Variants in ANO4 observed in about 807,000 individuals in gnomAD.
ANO4 encodes the protein anoctamin 4, also known as anoctamin-4.
A neutral mutation model predicts 141.9 loss-of-function variants in ANO4; 69 were observed. The ratio of observed to expected loss-of-function variants is 0.49; its 90% CI spans 0.40 to 0.59. ANO4 has a LOEUF of 0.59. ANO4 is among the 20% of genes least tolerant of loss of function. ANO4 has a pLI of 0.00. For synonymous variants in ANO4, 350 were observed against 394.3 expected (o/e 0.89, Z 1.33); for missense variants, 894 against 1,162.2 (o/e 0.77, Z 3.36).
chr12:100,746,333 A>G (rs1486797917), intron 3 of ANO4, among the ~76,000 whole-genome samples: 1 of 152,062 alleles, frequency 6.6e-6, no homozygotes, highest in African/African-American at 2.4e-5. Context: ...TGCACCTGTA[A>G]TCCTAGCTCT....
At chr12:101,120,109 C>CCTCTG (rs1431684930) in intron 25 of ANO4, among the ~76,000 whole-genome samples, 249 of 152,268 alleles carry the variant, frequency 1.6e-3, no homozygotes, top group Non-Finnish European at 2.7e-3. Flanking sequence ...TGCTGCCTCT[C>CCTCTG]TGCTGTCTCT....
upstream of ANO4, among the ~76,000 whole-genome samples, chr12:100,790,645 G>GA (rs35254622): frequency 0.21 from 30,135 of 144,010 alleles, 3,595 homozygotes; most frequent in East Asian, 0.55. Flanking sequence ...TCTATCTTCA[G>GA]AAAAAAAAAA....
intron 14 of ANO4, among the ~76,000 whole-genome samples, chr12:101,065,062 T>C (rs1165144982): frequency 6.6e-6 from 1 of 152,184 alleles, no homozygotes; most frequent in East Asian, 1.9e-4. Context: ...AATTTGGGTA[T>C]GCCAAAGAGA....
intron 1 of ANO4, among the ~76,000 whole-genome samples, chr12:100,837,720 T>TAAAA (rs66789704): frequency 2.4e-5 from 3 of 122,620 alleles, no homozygotes; most frequent in Non-Finnish European, 3.3e-5. Context: ...ACCTTGTCTC[T>TAAAA]AAAAAAAAAA....
intron 26 of ANO4, among the ~76,000 whole-genome samples, chr12:101,125,545 C>T (rs970528931): frequency 2.6e-5 from 4 of 152,002 alleles, no homozygotes; most frequent in Non-Finnish European, 4.4e-5. Context: ...TGTCTTGTGC[C>T]GGTTTTTAAG....
chr12:100,953,065 A>G (rs1462748654), intron 5 of ANO4, among the ~76,000 whole-genome samples: 3 of 152,226 alleles, frequency 2.0e-5, no homozygotes, highest in African/African-American at 4.8e-5. Flanking sequence ...TATTTAATCT[A>G]AAAGATTTCT....
chr12:101,098,681 T>A (rs1414264547), intron 21 of ANO4, among the ~76,000 whole-genome samples: 1 of 152,198 alleles, frequency 6.6e-6, no homozygotes, highest in Admixed American at 6.5e-5. Flanking sequence ...ATAAAACTTT[T>A]AAAAAATAAA....
At chr12:101,040,835 T>C (rs892344120) in intron 11 of ANO4, among the ~76,000 whole-genome samples, 1 of 151,462 alleles carries the variant, frequency 6.6e-6, no homozygotes, top group Non-Finnish European at 1.5e-5. Flanking sequence ...CTCCCACTTA[T>C]GAGTGAGAAC....
At chr12:100,884,131 T>C (rs550125375) in intron 1 of ANO4, among the ~76,000 whole-genome samples, 4 of 152,342 alleles carry the variant, frequency 2.6e-5, no homozygotes, top group African/African-American at 7.2e-5. Context: ...TTTAATGTCA[T>C]GTTGTTTCTG....
At chr12:101,013,429 G>A (rs1036418842) in intron 8 of ANO4, among the ~76,000 whole-genome samples, 1 of 152,088 alleles carries the variant, frequency 6.6e-6, no homozygotes, top group African/African-American at 2.4e-5. Flanking sequence ...GGAAGAGCAG[G>A]GCTTGAACCA....
At chr12:100,876,304 A>C (rs1361777033) in intron 1 of ANO4, among the ~76,000 whole-genome samples, 1 of 142,968 alleles carries the variant, frequency 7.0e-6, no homozygotes, top group African/African-American at 2.6e-5. Context: ...AAACAGTGGG[A>C]ATTATCAAGA....
chr12:100,951,665 TGA>T (rs918837839), intron 5 of ANO4, among the ~76,000 whole-genome samples: 2 of 152,198 alleles, frequency 1.3e-5, no homozygotes, highest in African/African-American at 2.4e-5. Flanking sequence ...TCTTCTTTTT[TGA>T]GAGAGAGACT....
At chr12:100,872,910 G>T (rs190083839) in intron 1 of ANO4, among the ~76,000 whole-genome samples, 1 of 152,316 alleles carries the variant, frequency 6.6e-6, no homozygotes, top group East Asian at 1.9e-4. Context: ...CTAGTGGGAG[G>T]TGATTTGATC....
Position 100,974,858 on chromosome 12 carries a change from T to TA in ANO4, c.572dup (p.Tyr191Ter). Residue 191 changes from tyrosine (Y) to a stop codon, truncating the protein, a stop_gained and frameshift_variant, in exon 7 of 28, where the codon TAC becomes TAAC. Transcript: ENST00000392977. LOFTEE classifies it high-confidence loss of function. ...CTGTTCTTCCAGGAGAAAAATCTAT[T>TA]ACCTGCCCCGCCGTTACAAGTTCAT... ...VRMPFRRKIY[Y>*]LPRRYKFMSR... The TA allele has an allele frequency of 6.2e-7, 1 of 1,613,912 alleles. No individual in the cohort carries two copies. Among genetic ancestry groups the TA allele is most frequent in the Non-Finnish European group, 8.5e-7 (1 of 1,179,894 alleles).
chr12:100,931,787 A>G (rs1484513436), intron 3 of ANO4, among the ~76,000 whole-genome samples: 2 of 152,098 alleles, frequency 1.3e-5, no homozygotes, highest in African/African-American at 2.4e-5. Flanking sequence ...TCATCCTACA[A>G]TTAGCTTTTA....
At chr12:100,762,081 C>T (rs947595250) in intron 3 of ANO4, among the ~76,000 whole-genome samples, 2 of 152,154 alleles carry the variant, frequency 1.3e-5, no homozygotes, top group Non-Finnish European at 2.9e-5. Context: ...TAGTAGAAAC[C>T]TTACAAAGTT....
chr12:101,091,916 C>T (rs545711883), intron 17 of ANO4, among the ~76,000 whole-genome samples: 4 of 151,992 alleles, frequency 2.6e-5, no homozygotes, highest in Non-Finnish European at 5.9e-5. Flanking sequence ...AATATTATGC[C>T]TCTTAATGGC....
At chr12:101,118,459 T>C (rs1024143601) in intron 25 of ANO4, among the ~76,000 whole-genome samples, 23 of 152,314 alleles carry the variant, frequency 1.5e-4, no homozygotes, top group African/African-American at 5.1e-4. Flanking sequence ...TTTTAAAATT[T>C]CTAATTAAAA....
intron 1 of ANO4, among the ~76,000 whole-genome samples, chr12:100,822,033 C>T (rs10860638): frequency 0.51 from 77,715 of 151,684 alleles, 21,381 homozygotes; most frequent in Middle Eastern, 0.67. Flanking sequence ...CTTTAGTGTT[C>T]TGGTCCACAG....
Sources: allele counts gnomAD v4.1 joint callset (sites outside exome capture counted in the v4.1 genomes callset), GRCh38; gene constraint gnomAD v4.1.1; transcripts MANE v1.5; gene names NCBI Gene and HGNC (gene_info 2026-07-23, HGNC 2026-07-21).